Variants in RAD54L2 observed in about 807,000 individuals in gnomAD.
RAD54L2 encodes helicase ARIP4.
RAD54L2 carries 27 observed loss-of-function variants against 138.4 expected under a neutral mutation model. The ratio of observed to expected loss-of-function variants is 0.20; its 90% CI spans 0.14 to 0.27. The LOEUF (loss-of-function observed/expected upper bound fraction) is 0.27. RAD54L2 is among the 10% of genes least tolerant of loss of function. The probability of loss-of-function intolerance (pLI) is 1.00; values close to 1 mark genes in which losing one functional copy is unlikely to be tolerated. For missense variants in RAD54L2, 1,396 were observed against 1,890.2 expected (o/e 0.74, Z 4.85); for synonymous variants, 644 against 723.2 (o/e 0.89, Z 1.76).
chr3:51,594,282 A>G (rs1344803743), intron 3 of RAD54L2, among the ~76,000 whole-genome samples: 1 of 152,060 alleles, frequency 6.6e-6, no homozygotes, highest in African/African-American at 2.4e-5. Context: ...CATGTTGGCC[A>G]GGCTGGTCTC....
intron 1 of RAD54L2, among the ~76,000 whole-genome samples, chr3:51,540,394 C>G (rs1362798096): frequency 2.0e-5 from 3 of 152,200 alleles, no homozygotes; most frequent in African/African-American, 7.2e-5. Context: ...TATTATCCAT[C>G]TTCAATGAAT....
At chr3:51,652,849 C>T (rs1309747718) in intron 19 of RAD54L2, among the ~76,000 whole-genome samples, 1 of 152,110 alleles carries the variant, frequency 6.6e-6, no homozygotes, top group Non-Finnish European at 1.5e-5. Flanking sequence ...TAGGCAATAC[C>T]ATTCAGGACA....
intron 2 of RAD54L2, among the ~76,000 whole-genome samples, chr3:51,584,662 A>G (rs1699675489): frequency 6.7e-6 from 1 of 148,402 alleles, no homozygotes; most frequent in African/African-American, 2.5e-5. Context: ...TATATATACT[A>G]TAATATATAT....
rs1180385618 is a variant in RAD54L2 at position 51,668,443 on chromosome 3, G to GATCC, written c.*5025_*5028dup. 6.6e-6 allele frequency: 1 copy of GATCC among 152,204 alleles called. No individual in the cohort carries two copies. The highest frequency in any genetic ancestry group is 1.5e-5 in the Non-Finnish European group (1 of 68,050). The allele number at this position is 152,204 out of a possible 1,614,324, so 9.4% of individuals were successfully genotyped here. On this transcript the variant is annotated 3_prime_UTR_variant, in exon 23 of 23. Coordinates refer to ENST00000684192, the MANE Select transcript of RAD54L2 (RefSeq NM_015106.4). ...CTTCGAGGAGCATCTGTGGCTGGGT[G>GATCC]ATCCAGCTGCTGGTGTGATCATGGG...
intron 2 of RAD54L2, among the ~76,000 whole-genome samples, chr3:51,557,537 A>G (rs1699000742): frequency 6.6e-6 from 1 of 151,868 alleles, no homozygotes; most frequent in Non-Finnish European, 1.5e-5. Context: ...TGTTTAATTA[A>G]TAAGAACATT....
chr3:51,597,106 A>G (rs1293649106), intron 3 of RAD54L2, among the ~76,000 whole-genome samples: 1 of 144,346 alleles, frequency 6.9e-6, no homozygotes, highest in East Asian at 2.2e-4. Flanking sequence ...CGGAGGTTAC[A>G]GTGAGCCGAG....
At chr3:51,611,495 T>G (rs1055360049) in intron 3 of RAD54L2, 1 of 152,136 alleles carries the variant, frequency 6.6e-6, no homozygotes, top group Non-Finnish European at 1.5e-5. Context: ...GTATGTGTAT[T>G]GTCAGACTGA....
At chr3:51,639,838 T>C (rs770344998) in intron 13 of RAD54L2, 43 bp from the exon 14 acceptor site, 17 of 1,505,570 alleles carry the variant, frequency 1.1e-5, no homozygotes. Flanking sequence ...TCTAGTGATC[T>C]GGCCTTGGAC....
chr3:51,609,537 A>G (rs1559635369), intron 3 of RAD54L2, among the ~76,000 whole-genome samples: 3 of 152,244 alleles, frequency 2.0e-5, no homozygotes, highest in Admixed American at 6.5e-5. Context: ...ATTATGGGCT[A>G]TAGCAATATT....
chr3:51,594,066 C>CTTTTTTTTTTTTTTT (rs904101025), intron 3 of RAD54L2, among the ~76,000 whole-genome samples: 15 of 105,130 alleles, frequency 1.4e-4, no homozygotes, highest in East Asian at 2.8e-4. Flanking sequence ...TTTTCTTTTT[C>CTTTTTTTTTTTTTTT]TTTTTTTTTT....
chr3:51,649,376 G>A (rs1701369597), intron 19 of RAD54L2, among the ~76,000 whole-genome samples: 1 of 152,172 alleles, frequency 6.6e-6, no homozygotes, highest in South Asian at 2.1e-4. Context: ...ACACTCTTCA[G>A]GATATTATCC....
At chr3:51,635,079 G>A (rs952606018) in intron 9 of RAD54L2, among the ~76,000 whole-genome samples, 6 of 152,214 alleles carry the variant, frequency 3.9e-5, no homozygotes, top group African/African-American at 1.4e-4. Flanking sequence ...TGCAATCAGT[G>A]AAATACAGTG....
At chr3:51,559,512 A>T (rs75133539) in intron 2 of RAD54L2, among the ~76,000 whole-genome samples, 1 of 152,162 alleles carries the variant, frequency 6.6e-6, no homozygotes, top group Non-Finnish European at 1.5e-5. Context: ...CCACTTGATT[A>T]TGGATGGGTC....
At chr3:51,600,671 TG>T (rs767315238) in intron 3 of RAD54L2, among the ~76,000 whole-genome samples, 84 of 152,164 alleles carry the variant, frequency 5.5e-4, no homozygotes, top group Middle Eastern at 6.8e-3. Context: ...TGAAACTATT[TG>T]AAACTATTTT....
intron 3 of RAD54L2, among the ~76,000 whole-genome samples, chr3:51,606,827 C>T (rs904189723): frequency 4.0e-5 from 6 of 151,796 alleles, no homozygotes; most frequent in Middle Eastern, 3.4e-3. Context: ...GTATTACAGG[C>T]GCCTGCCACA....
chr3:51,601,816 G>A (rs1479858503), intron 3 of RAD54L2, among the ~76,000 whole-genome samples: 1 of 151,454 alleles, frequency 6.6e-6, no homozygotes, highest in African/African-American at 2.4e-5. Flanking sequence ...TTATGGATAT[G>A]TATCCCAATT....
At chr3:51,613,679 T>A (rs982680775) in intron 3 of RAD54L2, among the ~76,000 whole-genome samples, 7 of 151,070 alleles carry the variant, frequency 4.6e-5, no homozygotes, top group Non-Finnish European at 1.0e-4. Flanking sequence ...GCAGGAGAAT[T>A]GCTTGAACCT....
chr3:51,577,083 T>C (rs1699497592), intron 2 of RAD54L2, among the ~76,000 whole-genome samples: 3 of 152,252 alleles, frequency 2.0e-5, no homozygotes, highest in Admixed American at 6.5e-5. Context: ...TCTTTATTTC[T>C]GCCTTCATTT....
intron 2 of RAD54L2, among the ~76,000 whole-genome samples, chr3:51,589,824 T>C (rs1226390160): frequency 2.6e-5 from 4 of 152,064 alleles, no homozygotes; most frequent in African/African-American, 9.7e-5. Context: ...TTTGTTGTTA[T>C]TGTTACTTTA....
Sources: allele counts gnomAD v4.1 joint callset (sites outside exome capture counted in the v4.1 genomes callset), GRCh38; gene constraint gnomAD v4.1.1; transcripts MANE v1.5; gene names NCBI Gene and HGNC (gene_info 2026-07-23, HGNC 2026-07-21).